KPNA3: variants seen among roughly 807,000 people sequenced by gnomAD.
KPNA3 encodes importin subunit alpha-4.
In KPNA3, 13 loss-of-function variants were observed where a neutral mutation model predicts 73.8. The ratio of observed to expected loss-of-function variants is 0.18; its 90% CI spans 0.11 to 0.28. The LOEUF (loss-of-function observed/expected upper bound fraction) is 0.28, where lower values mean the gene tolerates loss of function less well. Among genes scored for constraint, KPNA3 ranks in the 10% least tolerant of loss-of-function variants. The pLI, the probability that KPNA3 is intolerant of heterozygous loss-of-function variation, is 1.00. For missense variants in KPNA3, 360 were observed against 618.1 expected (o/e 0.58, Z 4.43); for synonymous variants, 186 against 206.9 (o/e 0.90, Z 0.87).
rs756017118 is a variant in KPNA3, at chr13:49,732,789, A to C, written c.205-13T>G. ...GGGTTACATTTTGCTTAAAAAGAAA[A>C]AAAAAATAGTTCAGCAGAGTTTATT... On this transcript the variant is annotated splice_polypyrimidine_tract_variant and intron_variant, in intron 3 of 16. Transcript: ENST00000261667. 7 of 1,550,090 alleles carry C rather than the reference A, an allele frequency of 4.5e-6. No homozygotes were observed. Among genetic ancestry groups the C allele is most frequent in the Non-Finnish European group, 6.2e-6 (7 of 1,133,336 alleles).
rs1954148556 is a variant in KPNA3 at position 49,701,606 on chromosome 13, C to T, written c.*194G>A. On this transcript the variant is annotated 3_prime_UTR_variant, in exon 17 of 17. Transcript: ENST00000261667. ...TTCTAAAACAGTTTAGGAAATCATG[C>T]ATATGCATTTACAGTCCATGTGATA... 1 of 715,528 alleles carries T rather than the reference C, an allele frequency of 1.4e-6. No homozygotes were observed. Among genetic ancestry groups the T allele is most frequent in the East Asian group, 2.7e-5 (1 of 37,224 alleles). 44.3% of individuals were successfully genotyped at this position (715,528 alleles called of 1,614,324 possible). A position where few individuals can be genotyped will look rare whatever the true frequency, so the allele number is the denominator to read the frequency against.
At chr13:49,749,529 T>C (rs1954644905) in intron 1 of KPNA3, among the ~76,000 whole-genome samples, 1 of 152,168 alleles carries the variant, frequency 6.6e-6, no homozygotes, top group South Asian at 2.1e-4. Flanking sequence ...CTGTGTTCCA[T>C]CCCTTCTTAG....
Position 49,700,667 on chromosome 13 carries a change from AC to A in KPNA3, c.*1132del, listed in dbSNP as rs1954138894. 1 of 152,684 alleles carries A rather than the reference AC, an allele frequency of 6.5e-6. No homozygotes were observed. The highest frequency in any genetic ancestry group is 1.5e-5 in the Non-Finnish European group (1 of 68,048). The allele number at this position is 152,684 out of a possible 1,614,324, so 9.5% of individuals were successfully genotyped here. A position where few individuals can be genotyped will look rare whatever the true frequency, so the allele number is the denominator to read the frequency against. Reference sequence around the variant, plus strand: ...TACTCAAAGAATGAACTCTTATGACACTTCTAAATAGTTGCTGGTTTGTTGC... The same window carrying A: ...TACTCAAAGAATGAACTCTTATGACATTCTAAATAGTTGCTGGTTTGTTGC... On this transcript the variant is annotated 3_prime_UTR_variant, in exon 17 of 17. Transcript: ENST00000261667.
chr13:49,701,719 G>T lies in KPNA3; in HGVS notation c.*81C>A. ...AGGCATGTGTGTTTTGGAGCCTTTT[G>T]TTGCTGTTGTTCTTATCATTTGGTA... On this transcript the variant is annotated 3_prime_UTR_variant, in exon 17 of 17. Coordinates refer to ENST00000261667, the MANE Select transcript of KPNA3 (RefSeq NM_002267.4). The T allele has an allele frequency of 1.1e-6, 1 of 876,708 alleles. No homozygotes were observed. 54.3% of individuals were successfully genotyped at this position (876,708 alleles called of 1,614,324 possible).
chr13:49,771,125 A>C (rs1421500480), intron 1 of KPNA3, among the ~76,000 whole-genome samples: 2 of 151,278 alleles, frequency 1.3e-5, no homozygotes, highest in Non-Finnish European at 2.9e-5. Context: ...ATTTCAAAAA[A>C]AAAAAAAAAA....
At chr13:49,748,894 C>T (rs779211803) in intron 1 of KPNA3, among the ~76,000 whole-genome samples, 2 of 152,076 alleles carry the variant, frequency 1.3e-5, no homozygotes, top group Non-Finnish European at 2.9e-5. Flanking sequence ...GAACAATCTT[C>T]AAATACCAAC....
Position 49,740,005 on chromosome 13 carries a change from C to T in KPNA3, c.114+6944G>A, listed in dbSNP as rs185992065. Reference sequence around the variant, plus strand: ...GTGGCTCATGCCTGTAATCCCAGAACTTTGGGAGGCTGAGGCGGGCAGATT... The same window carrying T: ...GTGGCTCATGCCTGTAATCCCAGAATTTTGGGAGGCTGAGGCGGGCAGATT... On this transcript the variant is annotated intron_variant, in intron 2 of 16. Transcript: ENST00000261667. Among the ~76,000 whole-genome samples, 989 of 152,174 alleles carry T rather than the reference C, an allele frequency of 6.5e-3. 6 individuals carry two copies. Among genetic ancestry groups the T allele is most frequent in the Non-Finnish European group, 8.9e-3 (603 of 68,016 alleles).
intron 1 of KPNA3, among the ~76,000 whole-genome samples, chr13:49,762,685 TC>T (rs1251153307): frequency 6.6e-6 from 1 of 151,900 alleles, no homozygotes; most frequent in Non-Finnish European, 1.5e-5. Context: ...TTAAGAGTCA[TC>T]ACCACTCCCT....
intron 15 of KPNA3, among the ~76,000 whole-genome samples, chr13:49,704,069 A>ATAG (rs1156559594): frequency 6.6e-6 from 1 of 152,164 alleles, no homozygotes; most frequent in Admixed American, 6.5e-5. Context: ...CTTCTATCAC[A>ATAG]ACCTACTTCT....
chr13:49,771,748 A>G (rs1449010746), intron 1 of KPNA3, among the ~76,000 whole-genome samples: 1 of 152,100 alleles, frequency 6.6e-6, no homozygotes, highest in Non-Finnish European at 1.5e-5. Flanking sequence ...TGACTTCCCA[A>G]GCTCAAGTGA....
chr13:49,771,191 A>AAGT (rs990163658), intron 1 of KPNA3, among the ~76,000 whole-genome samples: 3 of 151,998 alleles, frequency 2.0e-5, no homozygotes, highest in Non-Finnish European at 2.9e-5. Context: ...GAAAAAAGGC[A>AAGT]AGTCAGCTTG....
rs143531983 is a variant in KPNA3 at position 49,701,822 on chromosome 13, T to C, written c.1544A>G (p.Gln515Arg). ...TYNFDPTANL[Q>R]TKEFNF ...AATTTAAAAATTAAATTCTTTTGTT[T>C]GAAGGTTGGCTGTTGGATCAAAATT... The change falls in exon 17 of 17, where the codon CAA (glutamine) becomes CGA (arginine). Residue 515 changes from glutamine to arginine, a missense_variant. Physicochemically the swap from Gln to Arg is conservative, Grantham distance 43. Coordinates refer to ENST00000261667, the MANE Select transcript of KPNA3 (RefSeq NM_002267.4). 1.2e-6 allele frequency: 2 copies of C among 1,609,980 alleles called. No homozygotes were observed. Among genetic ancestry groups the C allele is most frequent in the African/African-American group, 2.7e-5 (2 of 74,848 alleles).
intron 1 of KPNA3, among the ~76,000 whole-genome samples, chr13:49,782,666 CCT>C (rs1954950494): frequency 6.6e-6 from 1 of 151,988 alleles, no homozygotes; most frequent in Admixed American, 6.6e-5. Context: ...ATCACTTGAG[CCT>C]AAGAGTTTGA....
intron 10 of KPNA3, among the ~76,000 whole-genome samples, chr13:49,711,880 T>C (rs988360999): frequency 2.0e-5 from 3 of 152,156 alleles, no homozygotes; most frequent in African/African-American, 4.8e-5. Flanking sequence ...GAACTACACA[T>C]ATAACCCACA....
At chr13:49,706,439 AT>A in intron 12 of KPNA3, 67 bp from the exon 13 acceptor site, 2 of 1,068,430 alleles carry the variant, frequency 1.9e-6, no homozygotes, top group Non-Finnish European at 2.8e-6. Flanking sequence ...TTTCTAATAT[AT>A]TTTATATAGA....
intron 12 of KPNA3, 56 bp downstream of exon 12, chr13:49,709,512 GAGAC>G (rs1439981710): frequency 4.3e-6 from 6 of 1,391,534 alleles, no homozygotes; most frequent in Non-Finnish European, 5.9e-6. Context: ...TAGAAACAAG[GAGAC>G]AGTTAAAAAT....
intron 9 of KPNA3, among the ~76,000 whole-genome samples, chr13:49,720,134 T>C (rs1352042525): frequency 6.6e-6 from 1 of 152,132 alleles, no homozygotes; most frequent in Non-Finnish European, 1.5e-5. Flanking sequence ...AAATGTCAAG[T>C]GGAAAAAATG....
chr13:49,785,648 C>T (rs1454788535), intron 1 of KPNA3, among the ~76,000 whole-genome samples: 1 of 152,030 alleles, frequency 6.6e-6, no homozygotes, highest in Non-Finnish European at 1.5e-5. Flanking sequence ...GAATCCCAAG[C>T]CATGCCTACT....
intron 10 of KPNA3, among the ~76,000 whole-genome samples, chr13:49,716,057 A>G (rs1954301696): frequency 6.6e-6 from 1 of 152,238 alleles, no homozygotes; most frequent in African/African-American, 2.4e-5. Context: ...GAGCTCAACT[A>G]ATGGTTTTCA....
Sources: allele counts gnomAD v4.1 joint callset (sites outside exome capture counted in the v4.1 genomes callset), GRCh38; gene constraint gnomAD v4.1.1; transcripts MANE v1.5; gene names NCBI Gene and HGNC (gene_info 2026-07-23, HGNC 2026-07-21).